The following TSEN2 variants were observed in gnomAD, a reference collection of about 807,000 sequenced individuals.
TSEN2 encodes the protein tRNA splicing endonuclease subunit 2, also known as tRNA-splicing endonuclease subunit Sen2.
TSEN2 carries 54 observed loss-of-function variants against 59.2 expected under a neutral mutation model. That is an observed-to-expected ratio of 0.91 (90% confidence interval 0.73 to 1.14). The LOEUF is 1.14. Ranked by LOEUF, TSEN2 falls within the 50% of genes most tolerant of loss-of-function variation. TSEN2 has a pLI of 0.00. For missense variants in TSEN2, 636 were observed against 576.2 expected, an observed-to-expected ratio of 1.10 and a Z score of -1.06; for synonymous variants, 195 against 198.2, an observed-to-expected ratio of 0.98 and a Z score of 0.14.
intron 3 of TSEN2, among the ~76,000 whole-genome samples, chr3:12,495,320 C>G (rs920888206): frequency 6.6e-6 from 1 of 152,094 alleles, no homozygotes; most frequent in African/African-American, 2.4e-5. Context: ...ACCTCCACCT[C>G]CTGGGCTTAT....
At chr3:12,523,599 T>C (rs907052972) in intron 8 of TSEN2, among the ~76,000 whole-genome samples, 1 of 143,966 alleles carries the variant, frequency 6.9e-6, no homozygotes, top group Admixed American at 7.3e-5. Context: ...AGTGGCACGA[T>C]CTCGATCTCG....
chr3:12,521,943 G>A (rs1000783545), intron 8 of TSEN2, among the ~76,000 whole-genome samples: 7 of 151,186 alleles, frequency 4.6e-5, no homozygotes, highest in South Asian at 2.1e-4. Context: ...CCCAGGAGGC[G>A]GAGCTTGCAG....
At chr3:12,488,328 C>T (rs1459182501) in intron 1 of TSEN2, among the ~76,000 whole-genome samples, 2 of 152,176 alleles carry the variant, frequency 1.3e-5, no homozygotes, top group Non-Finnish European at 2.9e-5. Context: ...TTTGGCCGCA[C>T]TGTATCTTCA....
intron 10 of TSEN2, 100 bp downstream of exon 10, chr3:12,529,973 C>T: frequency 2.6e-6 from 4 of 1,527,518 alleles, no homozygotes; most frequent in Non-Finnish European, 3.5e-6. Flanking sequence ...GTTGTAGAAA[C>T]TTCATAACAT....
intron 6 of TSEN2, among the ~76,000 whole-genome samples, chr3:12,515,427 C>T (rs773301522): frequency 6.6e-6 from 1 of 152,122 alleles, no homozygotes; most frequent in Non-Finnish European, 1.5e-5. Context: ...CAGTGAGAGC[C>T]GAAGCAGAAT....
chr3:12,490,087 G>A, intron 2 of TSEN2, 98 bp downstream of exon 2: 2 of 1,130,726 alleles, frequency 1.8e-6, no homozygotes, highest in Non-Finnish European at 2.7e-6. Context: ...CACCAACCAT[G>A]AACAATGTGT....
At position 12,527,497 on chromosome 3, in the gene TSEN2, A is replaced by G. The variant is rs534608116; in HGVS notation, c.1100-1391A>G. Reference sequence around the variant, plus strand: ...GAGACGGAGTCTCGCTCTGTCGCCCAGGCTGGAGTGCAGTGGCGGGATCTC... The same window carrying G: ...GAGACGGAGTCTCGCTCTGTCGCCCGGGCTGGAGTGCAGTGGCGGGATCTC... On this transcript the variant is annotated intron_variant, in intron 8 of 11. Coordinates refer to ENST00000284995, the MANE Select transcript of TSEN2 (RefSeq NM_025265.4). 6.0e-5 allele frequency among the ~76,000 whole-genome samples: 8 copies of G among 132,400 alleles called. No homozygotes were observed. The East Asian group carries it at 1.5e-3, about 25-fold the overall frequency. 86.9% of individuals were successfully genotyped at this position (132,400 alleles called of 152,430 possible).
intron 8 of TSEN2, among the ~76,000 whole-genome samples, chr3:12,524,796 G>A (rs1426204969): frequency 6.7e-6 from 1 of 148,620 alleles, no homozygotes; most frequent in Non-Finnish European, 1.5e-5. Flanking sequence ...AGGCTGGAGT[G>A]CAGTGGCGCG....
intron 8 of TSEN2, among the ~76,000 whole-genome samples, chr3:12,526,999 G>A (rs887077291): frequency 6.6e-6 from 1 of 152,162 alleles, no homozygotes; most frequent in Non-Finnish European, 1.5e-5. Flanking sequence ...GGAGGCTCAG[G>A]GAAGTTAATA....
chr3:12,533,815 C>T (rs1376782554), downstream of TSEN2, among the ~76,000 whole-genome samples: 1 of 151,998 alleles, frequency 6.6e-6, no homozygotes, highest in Non-Finnish European at 1.5e-5. Flanking sequence ...TTGCTGCAAA[C>T]CCTTACATGT....
downstream of TSEN2, among the ~76,000 whole-genome samples, chr3:12,536,254 G>T (rs1035450549): frequency 2.0e-5 from 3 of 152,144 alleles, no homozygotes; most frequent in African/African-American, 7.2e-5. Context: ...CCATTGTGGG[G>T]TTTTGTTTTG....
chr3:12,515,388 C>T (rs76745151), intron 6 of TSEN2, among the ~76,000 whole-genome samples: 2,554 of 152,296 alleles, frequency 0.017, 46 homozygotes, highest in South Asian at 0.059. Flanking sequence ...ACAAGAGGGG[C>T]CCTCCTCGTC....
intron 6 of TSEN2, among the ~76,000 whole-genome samples, chr3:12,512,526 A>G (rs2055583065): frequency 1.3e-5 from 2 of 152,204 alleles, no homozygotes; most frequent in Non-Finnish European, 2.9e-5. Flanking sequence ...CTGTCTCTAA[A>G]TTGTTGATAA....
At chr3:12,523,542 T>TTTTTTTTTTTTTTTTTTTTTTTTTTTG (rs2056836131) in intron 8 of TSEN2, among the ~76,000 whole-genome samples, 1 of 136,566 alleles carries the variant, frequency 7.3e-6, no homozygotes, top group Non-Finnish European at 1.6e-5. Flanking sequence ...TTTTTTTTTT[T>TTTTTTTTTTTTTTTTTTTTTTTTTTTG]TTTTTTTTTG....
In TSEN2 at chr3:12,505,154, T is replaced by C. The variant is rs2054679983; in HGVS notation, c.832T>C (p.Leu278=). The C allele has an allele frequency of 6.3e-7, 1 of 1,590,062 alleles. No individual in the cohort carries two copies. The highest frequency in any genetic ancestry group is 1.3e-5 in the African/African-American group (1 of 74,408). The change falls in exon 6 of 12, where the codon TTG becomes CTG. Residue 278 remains leucine (L), a splice_region_variant and synonymous_variant. Coordinates refer to ENST00000284995, the MANE Select transcript of TSEN2 (RefSeq NM_025265.4). ...ATATATTGTATTTCTTTCTCTTTAGTTGGTGCAAAGAAACAGGTTAATATG... is the reference window on the plus strand; with the variant it reads ...ATATATTGTATTTCTTTCTCTTTAGCTGGTGCAAAGAAACAGGTTAATATG... The part of the protein sequence containing the change: ...SEREAAPNEE[L]VQRNRLICRR...
chr3:12,507,580 T>C (rs1559316490), intron 6 of TSEN2, among the ~76,000 whole-genome samples: 1 of 152,240 alleles, frequency 6.6e-6, no homozygotes, highest in Non-Finnish European at 1.5e-5. Flanking sequence ...TGGAACCTTC[T>C]TTTTTACAAT....
chr3:12,500,975 T>A (rs1291063407), intron 4 of TSEN2, among the ~76,000 whole-genome samples: 1 of 152,212 alleles, frequency 6.6e-6, no homozygotes, highest in East Asian at 1.9e-4. Context: ...AGTCACGGAA[T>A]TTGGCAAAAG....
chr3:12,496,442 A>G, intron 3 of TSEN2, 76 bp from the exon 4 acceptor site: 1 of 1,469,316 alleles, frequency 6.8e-7, no homozygotes, highest in Non-Finnish European at 9.5e-7. Flanking sequence ...TAAAATTCTC[A>G]GTCTTTCCTA....
intron 2 of TSEN2, among the ~76,000 whole-genome samples, chr3:12,491,873 C>T (rs148137089): frequency 6.6e-6 from 1 of 152,274 alleles, no homozygotes; most frequent in African/African-American, 2.4e-5. Flanking sequence ...AACAATATAA[C>T]AACTATTTAC....
Sources: gnomAD v4.1 joint callset for allele counts (sites outside exome capture counted in the v4.1 genomes callset) on GRCh38, gnomAD v4.1.1 for gene constraint, MANE v1.5 for transcripts, NCBI Gene and HGNC (gene_info 2026-07-23, HGNC 2026-07-21) for gene names.